The following DOCK5 variants were observed in gnomAD, a reference collection of about 807,000 sequenced individuals.
The protein encoded by DOCK5 is dedicator of cytokinesis 5.
DOCK5 carries 142 observed loss-of-function variants against 251.8 expected under a neutral mutation model. The observed-to-expected ratio is 0.56, with a 90% CI of 0.49 to 0.65. The LOEUF (loss-of-function observed/expected upper bound fraction) is 0.65. DOCK5 is among the 30% of genes least tolerant of loss of function. DOCK5 has a pLI of 0.00. For synonymous variants in DOCK5, 842 were observed against 835.5 expected, an observed-to-expected ratio of 1.01 and a Z score of -0.13; for missense variants, 2,111 against 2,312.3, an observed-to-expected ratio of 0.91 and a Z score of 1.79.
intron 13 of DOCK5, among the ~76,000 whole-genome samples, chr8:25,314,108 C>G (rs369325083): frequency 8.7e-6 from 1 of 115,246 alleles, no homozygotes; most frequent in South Asian, 2.9e-4. Context: ...GGACTCCCCT[C>G]TTTTTTTTTT....
chr8:25,363,240 C>G, intron 29 of DOCK5, 99 bp downstream of exon 29: 1 of 976,420 alleles, frequency 1.0e-6, no homozygotes, highest in Non-Finnish European at 1.6e-6. Context: ...GCCTCAAACC[C>G]ATCATCTGTA....
chr8:25,184,988 C>T (rs754966236), intron 1 of DOCK5, 37 bp downstream of exon 1: 3 of 1,334,082 alleles, frequency 2.2e-6, no homozygotes, highest in African/African-American at 3.0e-5. Flanking sequence ...GCCCGACCCA[C>T]GCGGCCAAGT....
chr8:25,270,662 A>G lies in DOCK5; in HGVS notation c.168+1777A>G, dbSNP rs1586282368. 7.1e-6 allele frequency: 3 copies of G among 420,132 alleles called. No homozygotes were observed. In the East Asian group the frequency reaches 1.0e-4, roughly 14 times the overall value. The allele number at this position is 420,132 out of a possible 1,614,324, so 26.0% of individuals were successfully genotyped here. A position where few individuals can be genotyped will look rare whatever the true frequency, so the allele number is the denominator to read the frequency against. ...TCACTGCGAAATTCAATTACGTTCA[A>G]CCAAGGTCCTAGATCAGGTCTTCTT... On this transcript the variant is annotated intron_variant, in intron 3 of 51. Transcript: ENST00000276440.
At chr8:25,340,823 A>G in intron 22 of DOCK5, 54 bp from the exon 23 acceptor site, 1 of 1,452,582 alleles carries the variant, frequency 6.9e-7, no homozygotes, top group Middle Eastern at 1.7e-4. Context: ...AATCTATTTT[A>G]AAATTTCTTT....
At chr8:25,319,411 A>G (rs1033361335) in intron 14 of DOCK5, among the ~76,000 whole-genome samples, 167 bp from the exon 15 acceptor site, 3 of 152,176 alleles carry the variant, frequency 2.0e-5, no homozygotes, top group African/African-American at 7.2e-5. Flanking sequence ...AGTGGTGGAA[A>G]TTCAGTCTTC....
Position 25,403,673 on chromosome 8 carries a change from C to T in DOCK5, c.5042C>T (p.Ser1681Phe). 1 of 1,613,994 alleles carries T rather than the reference C, an allele frequency of 6.2e-7. No homozygotes were observed. The change falls in exon 48 of 52, where the codon TCC (serine) becomes TTC (phenylalanine). Residue 1681 changes from serine to phenylalanine, a missense_variant. This residue lies in a region of DOCK5 where 1,717 missense variants were observed against 1,892.4 expected (regional missense o/e 0.91). Transcript: ENST00000276440. ...SITSVTSSVV[S>F]TSSNSSDNAP... Reference sequence around the variant, plus strand: ...ACCTCAGTCACTTCCTCTGTGGTTTCCACCTCTTCAAACTCGTCTGACAAT... The same window carrying T: ...ACCTCAGTCACTTCCTCTGTGGTTTTCACCTCTTCAAACTCGTCTGACAAT...
chr8:25,360,837 C>T (rs922418890), intron 28 of DOCK5, among the ~76,000 whole-genome samples: 1 of 152,004 alleles, frequency 6.6e-6, no homozygotes, highest in African/African-American at 2.4e-5. Context: ...GTTTTAAGGT[C>T]AAACCGTGAC....
chr8:25,334,197 G>A lies in DOCK5; in HGVS notation c.2192+1G>A, dbSNP rs1805746208. On this transcript the variant is annotated splice_donor_variant, in intron 21 of 51. Coordinates refer to ENST00000276440, the MANE Select transcript of DOCK5 (RefSeq NM_024940.8). LOFTEE classifies it high-confidence loss of function. ...ACTTCAGCGCCACTTTGGCATATGTGTAAGTATGATCTGAAGGAACTACAT... is the reference window on the plus strand; with the variant it reads ...ACTTCAGCGCCACTTTGGCATATGTATAAGTATGATCTGAAGGAACTACAT... The A allele has an allele frequency of 6.2e-7, 1 of 1,610,178 alleles. No individual in the cohort carries two copies. The highest frequency in any genetic ancestry group is 8.5e-7 in the Non-Finnish European group (1 of 1,176,468).
chr8:25,356,321 C>T (rs2117258797), intron 27 of DOCK5, among the ~76,000 whole-genome samples: 1 of 152,280 alleles, frequency 6.6e-6, no homozygotes, highest in Non-Finnish European at 1.5e-5. Context: ...ATTTCATTAC[C>T]TTTCTAAAGG....
intron 1 of DOCK5, among the ~76,000 whole-genome samples, chr8:25,198,355 G>A (rs1801786116): frequency 1.3e-5 from 2 of 152,062 alleles, no homozygotes; most frequent in South Asian, 4.1e-4. Context: ...TAGATCACCC[G>A]AGATCAGGAG....
chr8:25,331,750 T>C (rs1161227241), intron 18 of DOCK5, among the ~76,000 whole-genome samples: 1 of 150,456 alleles, frequency 6.6e-6, no homozygotes, highest in Non-Finnish European at 1.5e-5. Context: ...AAATAAAATC[T>C]GTGCAGTCAT....
chr8:25,278,466 C>T, intron 4 of DOCK5, 103 bp from the exon 5 acceptor site: 1 of 1,136,724 alleles, frequency 8.8e-7, no homozygotes, highest in East Asian at 2.5e-5. Context: ...CCAGGCCTAA[C>T]CAGCTTCATT....
intron 2 of DOCK5, among the ~76,000 whole-genome samples, chr8:25,252,785 T>A (rs1434663086): frequency 6.6e-6 from 1 of 152,244 alleles, no homozygotes; most frequent in African/African-American, 2.4e-5. Context: ...CCTTCTATTT[T>A]TCCTTTTCAG....
At position 25,380,316 on chromosome 8, in the gene DOCK5, G is replaced by C. The variant is rs1801042581; in HGVS notation, c.3948G>C (p.Lys1316Asn). ...TCCTTTTTCTGAAGATGTGGGAGAA[G>C]GCCATCAAGCTGAGCAAAGAGTTGG... Reference protein sequence around the residue: ...SYFDKGKMWEKAIKLSKELAE... With the variant: ...SYFDKGKMWENAIKLSKELAE... The change falls in exon 39 of 52, where the codon AAG (lysine) becomes AAC (asparagine). Residue 1316 changes from lysine (K) to asparagine (N), a missense_variant. This residue lies in a region of DOCK5 where 1,717 missense variants were observed against 1,892.4 expected (regional missense o/e 0.91). Coordinates refer to ENST00000276440, the MANE Select transcript of DOCK5 (RefSeq NM_024940.8). 1 of 1,610,738 alleles carries C rather than the reference G, an allele frequency of 6.2e-7. No individual in the cohort carries two copies. Among genetic ancestry groups the C allele is most frequent in the African/African-American group, 1.3e-5 (1 of 74,848 alleles).
At chr8:25,186,349 CTTT>C (rs778162063) in intron 1 of DOCK5, among the ~76,000 whole-genome samples, 3 of 124,782 alleles carry the variant, frequency 2.4e-5, no homozygotes, top group Admixed American at 1.6e-4. Flanking sequence ...CCTCAGGGCT[CTTT>C]TTTTTTTTTT....
intron 16 of DOCK5, among the ~76,000 whole-genome samples, chr8:25,323,166 C>G (rs1476295172): frequency 6.6e-6 from 1 of 152,152 alleles, no homozygotes; most frequent in East Asian, 1.9e-4. Context: ...GGAGCTCTGC[C>G]TCCTCATGAA....
chr8:25,243,240 G>C (rs1803001274), intron 1 of DOCK5, among the ~76,000 whole-genome samples: 1 of 152,072 alleles, frequency 6.6e-6, no homozygotes, highest in South Asian at 2.1e-4. Context: ...GGGAAATGAG[G>C]ATCCATTTCT....
chr8:25,347,473 G>C (rs1195771377), intron 26 of DOCK5, among the ~76,000 whole-genome samples: 1 of 152,284 alleles, frequency 6.6e-6, no homozygotes, highest in Non-Finnish European at 1.5e-5. Flanking sequence ...TGCGATTGGA[G>C]ATTTGGTTCC....
At chr8:25,201,786 A>C (rs7831718) in intron 1 of DOCK5, among the ~76,000 whole-genome samples, 130,603 of 152,178 alleles carry the variant, frequency 0.86, 56,351 homozygotes, top group Non-Finnish European at 0.87. Context: ...AGTACGTGAT[A>C]GCTATCTGAA....
Sources: gnomAD v4.1 joint callset for allele counts (sites outside exome capture counted in the v4.1 genomes callset) on GRCh38, gnomAD v4.1.1 for gene constraint, gnomAD v4.1.1 regional missense constraint, MANE v1.5 for transcripts, NCBI Gene and HGNC (gene_info 2026-07-23, HGNC 2026-07-21) for gene names.